CFAP46: variants seen among roughly 807,000 people sequenced by gnomAD.
The protein encoded by CFAP46 is cilia- and flagella-associated protein 46.
CFAP46 carries 245 observed loss-of-function variants against 325.7 expected under a neutral mutation model. The observed-to-expected ratio is 0.75, with a 90% CI of 0.68 to 0.84. The LOEUF (loss-of-function observed/expected upper bound fraction) is 0.84, where lower values mean the gene tolerates loss of function less well. Ranked by LOEUF, CFAP46 falls within the 40% of genes least tolerant of loss-of-function variation. The pLI is 0.00. For missense variants in CFAP46, 3,346 were observed against 3,543.0 expected, an observed-to-expected ratio of 0.94 and a Z score of 1.41; for synonymous variants, 1,523 against 1,495.9, an observed-to-expected ratio of 1.02 and a Z score of -0.42.
intron 8 of CFAP46, among the ~76,000 whole-genome samples, chr10:132,934,469 C>G (rs1849960921): frequency 6.6e-6 from 1 of 152,236 alleles, no homozygotes; most frequent in Admixed American, 6.5e-5. Flanking sequence ...CCATGGAACG[C>G]CACGCAGCCA....
intron 17 of CFAP46, among the ~76,000 whole-genome samples, chr10:132,916,303 C>T (rs1849636924): frequency 6.6e-6 from 1 of 152,222 alleles, no homozygotes; most frequent in Admixed American, 6.5e-5. Flanking sequence ...AACGTTTCCT[C>T]GTAGTAACAG....
chr10:132,898,830 G>A (rs1485797593), intron 24 of CFAP46, 129 bp downstream of exon 24: 14 of 1,274,292 alleles, frequency 1.1e-5, no homozygotes, highest in Admixed American at 4.0e-5. Context: ...TCCCCTCCTC[G>A]GCTGGTGCTG....
intron 9 of CFAP46, among the ~76,000 whole-genome samples, chr10:132,927,393 C>A (rs902412415): frequency 2.0e-5 from 3 of 151,368 alleles, no homozygotes; most frequent in African/African-American, 7.3e-5. Context: ...AGGTCCTCGG[C>A]GGCAGACGCC....
At chr10:132,843,634 C>G (rs1338028993) in intron 44 of CFAP46, among the ~76,000 whole-genome samples, 1 of 81,292 alleles carries the variant, frequency 1.2e-5, no homozygotes, top group Non-Finnish European at 2.8e-5. Context: ...GTGAGTGTTC[C>G]CAGGGTGCTG....
intron 39 of CFAP46, among the ~76,000 whole-genome samples, chr10:132,853,921 G>C (rs1848600145): frequency 6.6e-6 from 1 of 152,130 alleles, no homozygotes; most frequent in African/African-American, 2.4e-5. Context: ...CGTCTGACTA[G>C]AAGTTTTTCA....
intron 8 of CFAP46, among the ~76,000 whole-genome samples, chr10:132,932,591 C>T (rs1420053895): frequency 1.4e-5 from 2 of 144,450 alleles, no homozygotes; most frequent in South Asian, 4.7e-4. Context: ...ATAGATCCTG[C>T]AGCTTCCTCC....
At chr10:132,887,816 CTT>C (rs1491150770) in intron 25 of CFAP46, among the ~76,000 whole-genome samples, 1 of 95,466 alleles carries the variant, frequency 1.0e-5, no homozygotes, top group Admixed American at 9.9e-5. Flanking sequence ...CCTCTCCCCT[CTT>C]CTCTCCTCTC....
rs1847515071 is a variant in CFAP46, at chr10:132,808,704, T to G, written c.7865A>C (p.His2622Pro). Residue 2622 changes from histidine (H) to proline (P), a missense_variant, in exon 58 of 58, where the codon CAC becomes CCC. His to Pro is a moderately conservative substitution (Grantham distance 77). Transcript: ENST00000368586. The surrounding 1 kb of genome is among the most constrained non-coding windows in gnomAD (Gnocchi z 6.8). ...GGAGCTGGGGATGGGAGCCGGGAGG[T>G]GGGGATGGGTTGGCAGAGGGGCAGA... ...LGSAPLPTHP[H>P]LPAPIPSSQL... The G allele has an allele frequency of 1.3e-6, 2 of 1,563,404 alleles. No individual in the cohort carries two copies. Among genetic ancestry groups the G allele is most frequent in the Non-Finnish European group, 1.7e-6 (2 of 1,155,524 alleles).
Position 132,919,350 on chromosome 10 carries a change from T to A in CFAP46, c.1823A>T (p.Asp608Val). 1 of 1,550,072 alleles carries A rather than the reference T, an allele frequency of 6.5e-7. No individual in the cohort carries two copies. The highest frequency in any genetic ancestry group is 1.7e-4 in the Middle Eastern group (1 of 5,988). ...RTASRFCLLY[D>V]NVKVKKLRLR... ...CCTCAACTTCTTCACCTTGACGTTG[T>A]CATACAGGAGGCAGAAGCGGCTCGC... The change falls in exon 15 of 58, where the codon GAC becomes GTC. Residue 608 changes from aspartate to valine, a missense_variant. Physicochemically the swap from Asp to Val is radical, Grantham distance 152 (BLOSUM62 -3). Transcript: ENST00000368586. This position sits in a 1 kb window ranked among gnomAD's most constrained non-coding sequence, Gnocchi z 9.7.
Position 132,813,220 on chromosome 10 carries a change from C to T in CFAP46, c.7389-323G>A, listed in dbSNP as rs145065723. Among the ~76,000 whole-genome samples, 1,221 of 152,154 alleles carry T rather than the reference C, an allele frequency of 8.0e-3. 12 individuals carry two copies. The highest frequency in any genetic ancestry group is 8.3e-3 in the Non-Finnish European group (565 of 67,964). On this transcript the variant is annotated intron_variant, in intron 54 of 57. Transcript: ENST00000368586. ...GCCCAGCACCTGGAGGTCAAGGCAC[C>T]CCCAGTACTCCAGGCATGGGAGACA...
Position 132,832,395 on chromosome 10 carries a change from C to A in CFAP46, c.7117+963G>T, listed in dbSNP as rs530737883. 6.1e-4 allele frequency among the ~76,000 whole-genome samples: 86 copies of A among 140,900 alleles called. 7 individuals carry two copies. The highest frequency in any genetic ancestry group is 6.9e-4 in the East Asian group (3 of 4,336). 92.4% of individuals were successfully genotyped at this position (140,900 alleles called of 152,430 possible). A position where few individuals can be genotyped will look rare whatever the true frequency, so the allele number is the denominator to read the frequency against. ...GACCCCTGGGCTCTTCCTGCCCCCC[C>A]CCCCCAATGCTGTGGCCTGGAAATT... On this transcript the variant is annotated intron_variant, in intron 50 of 57. Transcript: ENST00000368586. The surrounding 1 kb of genome is among the most constrained non-coding windows in gnomAD (Gnocchi z 4.1).
chr10:132,909,081 C>A (rs1849501774), intron 21 of CFAP46, 56 bp downstream of exon 21: 1 of 1,297,218 alleles, frequency 7.7e-7, no homozygotes, highest in South Asian at 1.3e-5. Flanking sequence ...AGGGCAAGAG[C>A]CTCGGCGTCC....
At position 132,880,841 on chromosome 10, in the gene CFAP46, T is replaced by TGC; in HGVS notation, c.3799+18_3799+19dup. Reference sequence around the variant, plus strand: ...GGGGAGCGGCGTGGGGTCGGCACCCTGCCAGCGGCGTGGGCTCACCATCCG... The same window carrying TGC: ...GGGGAGCGGCGTGGGGTCGGCACCCTGCGCCAGCGGCGTGGGCTCACCATCCG... On this transcript the variant is annotated intron_variant, in intron 28 of 57. Transcript: ENST00000368586. 4 of 1,540,734 alleles carry TGC rather than the reference T, an allele frequency of 2.6e-6. No homozygotes were observed. The highest frequency in any genetic ancestry group is 3.5e-6 in the Non-Finnish European group (4 of 1,144,930).
chr10:132,881,062 C>T (rs1286437939), intron 27 of CFAP46, 30 bp from the exon 28 acceptor site: 1 of 1,546,558 alleles, frequency 6.5e-7, no homozygotes, highest in Admixed American at 2.0e-5. Context: ...GGGTGACATC[C>T]TCAGGATGGC....
intron 54 of CFAP46, among the ~76,000 whole-genome samples, chr10:132,813,716 C>T (rs918105490): frequency 2.6e-4 from 39 of 151,742 alleles, no homozygotes; most frequent in Non-Finnish European, 1.6e-4. Flanking sequence ...CCTGCAGCCC[C>T]GCCCCTGGCG....
At chr10:132,838,866 T>A (rs1848307829) in intron 44 of CFAP46, among the ~76,000 whole-genome samples, 1 of 152,240 alleles carries the variant, frequency 6.6e-6, no homozygotes, top group South Asian at 2.1e-4. Flanking sequence ...GCTGCCCCCA[T>A]CCCCGTCTCA....
intron 25 of CFAP46, 32 bp downstream of exon 25, chr10:132,892,301 G>A: frequency 6.5e-7 from 1 of 1,543,512 alleles, no homozygotes; most frequent in Non-Finnish European, 8.8e-7. Flanking sequence ...CTTGTACCTG[G>A]AGCCTGTGGG....
intron 24 of CFAP46, among the ~76,000 whole-genome samples, chr10:132,894,685 A>G (rs1282272852): frequency 6.6e-6 from 1 of 152,208 alleles, no homozygotes; most frequent in Non-Finnish European, 1.5e-5. Context: ...AGAAAATCCT[A>G]TGAACATTTG....
Position 132,847,225 on chromosome 10 carries a change from C to A in CFAP46, c.6049G>T (p.Ala2017Ser). The stretch of plus-strand genomic sequence containing the variant: ...CCTCTCCTGCAGTGCTCCTCCGGGG[C>A]TGCCCTGGAGGCCGGCGGGTCCCTG... Reference protein sequence around the residue: ...SSRDPPASRAAPEEHCRRGED... With the variant: ...SSRDPPASRASPEEHCRRGED... The change falls in exon 42 of 58, where the codon GCC becomes TCC. Residue 2017 changes from alanine to serine, a missense_variant. Transcript: ENST00000368586. This position sits in a 1 kb window ranked among gnomAD's most constrained non-coding sequence, Gnocchi z 5.2. 1.9e-6 allele frequency: 3 copies of A among 1,613,182 alleles called. No individual in the cohort carries two copies. Among genetic ancestry groups the A allele is most frequent in the Non-Finnish European group, 2.5e-6 (3 of 1,179,926 alleles).
Sources: allele counts gnomAD v4.1 joint callset (sites outside exome capture counted in the v4.1 genomes callset), GRCh38; gene constraint gnomAD v4.1.1; non-coding constraint Gnocchi (gnomAD v3.1); transcripts MANE v1.5; gene names NCBI Gene and HGNC (gene_info 2026-07-23, HGNC 2026-07-21).